PGAP2: variants seen among roughly 807,000 people sequenced by gnomAD.
PGAP2 encodes post-GPI attachment to proteins 2, also known as acyltransferase PGAP2.
In PGAP2, 21 loss-of-function variants were observed where a neutral mutation model predicts 33.2. The observed-to-expected ratio is 0.63, with a 90% confidence interval of 0.45 to 0.91. The LOEUF (loss-of-function observed/expected upper bound fraction) is 0.91. PGAP2 is among the 40% of genes least tolerant of loss of function. The pLI, the probability that PGAP2 is intolerant of heterozygous loss-of-function variation, is 0.00. For synonymous variants in PGAP2, 161 were observed against 172.9 expected (o/e 0.93, Z 0.54); for missense variants, 345 against 424.0 (o/e 0.81, Z 1.64).
At chr11:3,817,788 T>C in intron 3 of PGAP2, 1 of 633,838 alleles carries the variant, frequency 1.6e-6, no homozygotes, top group South Asian at 1.5e-5. Context: ...GGCTCATACC[T>C]GTAATCTCAG....
intron 1 of PGAP2, among the ~76,000 whole-genome samples, chr11:3,800,589 AT>A (rs2083291415): frequency 6.6e-6 from 1 of 152,012 alleles, no homozygotes; most frequent in African/African-American, 2.4e-5. Flanking sequence ...AGGTGGGCGG[AT>A]CACGAGGTCA....
chr11:3,803,418 C>G (rs1189413353), intron 1 of PGAP2, among the ~76,000 whole-genome samples: 1 of 151,202 alleles, frequency 6.6e-6, no homozygotes, highest in Non-Finnish European at 1.5e-5. Context: ...TGAGCCACCG[C>G]ACCCGGCCAT....
chr11:3,818,335 A>G (rs1372728702), intron 3 of PGAP2, among the ~76,000 whole-genome samples: 1 of 151,734 alleles, frequency 6.6e-6, no homozygotes, highest in East Asian at 1.9e-4. Context: ...CCAAAAAAAA[A>G]AAAAAAAACA....
At chr11:3,801,789 A>T (rs537530514) in intron 1 of PGAP2, among the ~76,000 whole-genome samples, 15 of 151,412 alleles carry the variant, frequency 9.9e-5, no homozygotes, top group Non-Finnish European at 1.8e-4. Flanking sequence ...TACTAAAAAT[A>T]AAAAAATTAG....
chr11:3,812,743 TG>T (rs1402177883), intron 2 of PGAP2, among the ~76,000 whole-genome samples: 1 of 152,172 alleles, frequency 6.6e-6, no homozygotes, highest in Non-Finnish European at 1.5e-5. Context: ...GGATTAGCAG[TG>T]GGGTCTAGCT....
intron 5 of PGAP2, 152 bp downstream of exon 5, chr11:3,824,528 A>C: frequency 8.5e-7 from 1 of 1,175,406 alleles, no homozygotes; most frequent in Non-Finnish European, 1.2e-6. Context: ...GCTTGGGAAC[A>C]AACTGAGGGT....
chr11:3,805,252 G>A (rs950139217), upstream of PGAP2, among the ~76,000 whole-genome samples: 4 of 150,284 alleles, frequency 2.7e-5, no homozygotes, highest in African/African-American at 9.8e-5. Flanking sequence ...CCTATGATGT[G>A]GATATTCTTT....
chr11:3,818,907 G>A (rs1362697224), intron 3 of PGAP2, among the ~76,000 whole-genome samples: 1 of 152,200 alleles, frequency 6.6e-6, no homozygotes, highest in African/African-American at 2.4e-5. Flanking sequence ...CTTCTTGGAG[G>A]AGGGGACATT....
At chr11:3,817,664 A>T (rs777734049) in intron 3 of PGAP2, 129 bp downstream of exon 3, 1 of 783,720 alleles carries the variant, frequency 1.3e-6, no homozygotes, top group Non-Finnish European at 2.2e-6. Context: ...GGGGAAGGGT[A>T]GGTAAGTCAG....
upstream of PGAP2, among the ~76,000 whole-genome samples, chr11:3,804,420 A>G (rs1302912354): frequency 6.6e-6 from 1 of 152,146 alleles, no homozygotes; most frequent in African/African-American, 2.4e-5. Flanking sequence ...ATCTTTGAGA[A>G]GAACAAGAAT....
Position 3,817,544 on chromosome 11 carries a change from C to T in PGAP2, c.348+9C>T, listed in dbSNP as rs1565026485. On this transcript the variant is annotated intron_variant, in intron 3 of 6. Coordinates refer to ENST00000278243, the MANE Select transcript of PGAP2 (RefSeq NM_014489.4). ...TGGCCACTGACTGTGGGGTGAGTGCCAGCTCCCCAGCCCCTGGGTCAGGGC... is the reference window on the plus strand; with the variant it reads ...TGGCCACTGACTGTGGGGTGAGTGCTAGCTCCCCAGCCCCTGGGTCAGGGC... 6.2e-7 allele frequency: 1 copy of T among 1,612,616 alleles called. No individual in the cohort carries two copies. Among genetic ancestry groups the T allele is most frequent in the Middle Eastern group, 1.7e-4 (1 of 6,056 alleles).
intron 1 of PGAP2, among the ~76,000 whole-genome samples, chr11:3,798,530 TGTGTTG>T (rs1208465998): frequency 6.6e-6 from 1 of 151,890 alleles, no homozygotes; most frequent in Non-Finnish European, 1.5e-5. Flanking sequence ...GGGATTTCAC[TGTGTTG>T]GTCAGGCTGG....
chr11:3,800,828 A>G (rs2898935), intron 1 of PGAP2, among the ~76,000 whole-genome samples: 93,147 of 145,814 alleles, frequency 0.64, 31,237 homozygotes, highest in East Asian at 0.8. Context: ...AAAAAAAAAA[A>G]AAAGAAATTT....
upstream of PGAP2, chr11:3,808,448 G>A: frequency 6.6e-7 from 1 of 1,505,868 alleles, no homozygotes; most frequent in Non-Finnish European, 8.9e-7. Flanking sequence ...ACGCCAGATT[G>A]AGGAGGAGAG....
upstream of PGAP2, among the ~76,000 whole-genome samples, chr11:3,804,498 G>A (rs1342032149): frequency 6.6e-6 from 1 of 152,008 alleles, no homozygotes; most frequent in Non-Finnish European, 1.5e-5. Flanking sequence ...GGCAGAGCTT[G>A]GTCTAAAGCT....
At chr11:3,809,170 C>G (rs1411181852) in intron 1 of PGAP2, among the ~76,000 whole-genome samples, 1 of 152,156 alleles carries the variant, frequency 6.6e-6, no homozygotes, top group Admixed American at 6.5e-5. Context: ...TGGGTTCAGA[C>G]TCGAGGCTGA....
At chr11:3,817,130 CA>C (rs1249498189) in intron 2 of PGAP2, among the ~76,000 whole-genome samples, 1 of 152,112 alleles carries the variant, frequency 6.6e-6, no homozygotes, top group African/African-American at 2.4e-5. Flanking sequence ...ATCACTGTGC[CA>C]GGGGGATTCC....
In PGAP2 at chr11:3,825,633, C is replaced by T. The variant is rs2089900620; in HGVS notation, c.*175C>T. ...CAGTGCTGCTGGCTTCTCCTCTCCA[C>T]CCCTCATATGGGCGTGGGGTCCTCA... is the stretch of plus-strand genomic sequence containing the variant. On this transcript the variant is annotated 3_prime_UTR_variant, in exon 7 of 7. Coordinates refer to ENST00000278243, the MANE Select transcript of PGAP2 (RefSeq NM_014489.4). 2 of 616,238 alleles carry T rather than the reference C, an allele frequency of 3.2e-6. No homozygotes were observed. The highest frequency in any genetic ancestry group is 3.3e-5 in the Admixed American group (1 of 30,738). The allele number at this position is 616,238 out of a possible 1,614,324, so 38.2% of individuals were successfully genotyped here.
chr11:3,816,434 T>A (rs1194175950), intron 2 of PGAP2, among the ~76,000 whole-genome samples: 2 of 151,974 alleles, frequency 1.3e-5, no homozygotes, highest in African/African-American at 4.8e-5. Flanking sequence ...AGTGGGGTTG[T>A]GAGGGGGAGT....
Sources: allele counts gnomAD v4.1 joint callset (sites outside exome capture counted in the v4.1 genomes callset), GRCh38; gene constraint gnomAD v4.1.1; transcripts MANE v1.5; gene names NCBI Gene and HGNC (gene_info 2026-07-23, HGNC 2026-07-21).